The following PCDH11X variants were observed in gnomAD, a reference collection of about 807,000 sequenced individuals.
PCDH11X encodes protocadherin-11 X-linked.
A neutral mutation model predicts 53.3 loss-of-function variants in PCDH11X; 18 were observed. The observed-to-expected ratio is 0.34, with a 90% CI of 0.23 to 0.50. The LOEUF (loss-of-function observed/expected upper bound fraction) is 0.50. PCDH11X is among the 20% of genes least tolerant of loss of function. PCDH11X has a pLI of 0.98. For synonymous variants in PCDH11X, 279 were observed against 393.3 expected (o/e 0.71, Z 3.44); for missense variants, 570 against 1,032.4 (o/e 0.55, Z 6.14).
At chrX:92,279,481 A>G (rs2068197805) in intron 8 of PCDH11X, among the ~76,000 whole-genome samples, 2 of 112,166 alleles carry the variant, frequency 1.8e-5, no homozygotes, top group Middle Eastern at 9.3e-3. Flanking sequence ...CATTAAAGGA[A>G]CTGTCTCCGA....
intron 7 of PCDH11X, among the ~76,000 whole-genome samples, chrX:92,222,960 G>C (rs1438104749): frequency 8.9e-6 from 1 of 111,798 alleles, no homozygotes; most frequent in Admixed American, 9.5e-5. Flanking sequence ...CTTTCTTTCT[G>C]GTCTTGTCAC....
chrX:91,881,031 C>T (rs1939875333), intron 6 of PCDH11X, among the ~76,000 whole-genome samples: 2 of 111,227 alleles, frequency 1.8e-5, no homozygotes, highest in South Asian at 7.5e-4. Flanking sequence ...TGTAGATCAT[C>T]ATTTTTAATA....
At chrX:92,147,810 C>CCTTTCTTTCTTTCTTTCT (rs2065297477) in intron 6 of PCDH11X, among the ~76,000 whole-genome samples, 2 of 70,198 alleles carry the variant, frequency 2.8e-5, no homozygotes, top group Non-Finnish European at 5.2e-5. Context: ...TTTCTTCCTT[C>CCTTTCTTTCTTTCTTTCT]CTTTCTTTCT....
At chrX:92,605,578 A>G (rs1431616078) in intron 10 of PCDH11X, among the ~76,000 whole-genome samples, 2 of 112,119 alleles carry the variant, frequency 1.8e-5, no homozygotes, top group Non-Finnish European at 3.8e-5. Flanking sequence ...TATACAGAAA[A>G]TCTTACGAAA....
At chrX:92,164,360 A>G (rs957082530) in intron 6 of PCDH11X, among the ~76,000 whole-genome samples, 5 of 112,611 alleles carry the variant, frequency 4.4e-5, no homozygotes, top group African/African-American at 1.3e-4. Context: ...GCCACCATCT[A>G]AAAAACAATC....
At chrX:91,922,841 G>C (rs1394214671) in intron 6 of PCDH11X, among the ~76,000 whole-genome samples, 2 of 110,591 alleles carry the variant, frequency 1.8e-5, no homozygotes, top group East Asian at 5.8e-4. Context: ...TCTTTCAGAG[G>C]TTAAATCACT....
rs770127373 is a variant in PCDH11X at position 92,267,363 on chromosome X, A to G, written c.3144+4220A>G. Reference sequence around the variant, plus strand: ...CGAGGAGTATATTTCCGATTTCTCTATATCTGCCTGAGGTAAATTAAAAAG... The same window carrying G: ...CGAGGAGTATATTTCCGATTTCTCTGTATCTGCCTGAGGTAAATTAAAAAG... On this transcript the variant is annotated intron_variant, in intron 8 of 10. Transcript: ENST00000682573. Among the ~76,000 whole-genome samples, 59 of 112,357 alleles carry G rather than the reference A, an allele frequency of 5.3e-4. 1 individual carries two copies. The East Asian group carries it at 0.015, about 29-fold the overall frequency.
At position 92,484,943 on chromosome X, in the gene PCDH11X, G is replaced by T. The variant is rs763983970; in HGVS notation, c.3367+16621G>T. 2.4e-4 allele frequency among the ~76,000 whole-genome samples: 26 copies of T among 110,452 alleles called. No individual in the cohort carries two copies. In the East Asian group the frequency reaches 6.3e-3, roughly 27 times the overall value. ...GACTTTAGATGAATATTCTTAAATT[G>T]TATTAAAACTGATTTCTATCAAAGA... On this transcript the variant is annotated intron_variant, in intron 10 of 10. Transcript: ENST00000682573.
intron 6 of PCDH11X, among the ~76,000 whole-genome samples, chrX:91,911,644 C>A (rs1451580224): frequency 1.8e-5 from 2 of 110,740 alleles, no homozygotes; most frequent in Non-Finnish European, 3.8e-5. Context: ...CCTCTGGTAA[C>A]CATTCTTCTA....
intron 6 of PCDH11X, among the ~76,000 whole-genome samples, chrX:91,985,477 C>G (rs2062215148): frequency 8.9e-6 from 1 of 111,901 alleles, no homozygotes; most frequent in Admixed American, 9.4e-5. Context: ...TGCACTCCAG[C>G]CTGGGTGACA....
At chrX:91,836,155 AAATTTATGT>A (rs1937292848) in intron 5 of PCDH11X, 111 bp downstream of exon 5, 1 of 897,934 alleles carries the variant, frequency 1.1e-6, no homozygotes, top group African/African-American at 2.1e-5. Flanking sequence ...CAATTTTTCA[AAATTTATGT>A]AATTTAAAGC....
chrX:92,394,783 A>G (rs1274183726), intron 9 of PCDH11X, among the ~76,000 whole-genome samples: 1 of 111,832 alleles, frequency 8.9e-6, no homozygotes, highest in African/African-American at 3.2e-5. Context: ...TTATTTTAAA[A>G]TGATTTATAA....
intron 6 of PCDH11X, among the ~76,000 whole-genome samples, chrX:91,945,191 G>T (rs1216146966): frequency 3.9e-5 from 4 of 103,484 alleles, no homozygotes; most frequent in Non-Finnish European, 7.9e-5. Context: ...ATATTATTCG[G>T]GTATGAGATG....
At position 91,950,712 on chromosome X, in the gene PCDH11X, T is replaced by G. The variant is rs781085658; in HGVS notation, c.3033+71439T>G. Among the ~76,000 whole-genome samples, 200 of 108,935 alleles carry G rather than the reference T, an allele frequency of 1.8e-3. 1 individual carries two copies. The highest frequency in any genetic ancestry group is 6.4e-3 in the African/African-American group (189 of 29,706). The allele number at this position is 108,935 out of a possible 115,157, so 94.6% of individuals were successfully genotyped here. ...CTGTGAATTGCAAAAGCACAAAATA[T>G]TTTTAGGTAAACAGCTATAAATTAG... On this transcript the variant is annotated intron_variant, in intron 6 of 10. Transcript: ENST00000682573.
intron 6 of PCDH11X, among the ~76,000 whole-genome samples, chrX:91,917,551 T>C (rs1941606683): frequency 1.8e-5 from 1 of 56,928 alleles, no homozygotes; most frequent in African/African-American, 7.9e-5. Flanking sequence ...AAGAACTCAA[T>C]CTTTTTTACA....
chrX:92,445,184 G>C (rs1233818541), intron 9 of PCDH11X, among the ~76,000 whole-genome samples: 2 of 86,435 alleles, frequency 2.3e-5, no homozygotes, highest in Non-Finnish European at 4.5e-5. Flanking sequence ...AATCCATTTG[G>C]TCCAGGGCTT....
At chrX:91,931,835 T>C (rs1470317343) in intron 6 of PCDH11X, among the ~76,000 whole-genome samples, 2 of 111,222 alleles carry the variant, frequency 1.8e-5, no homozygotes, top group African/African-American at 6.5e-5. Flanking sequence ...TCAACTTTTA[T>C]TTTACGTTCC....
intron 6 of PCDH11X, among the ~76,000 whole-genome samples, chrX:92,020,590 A>T (rs1271680941): frequency 9.0e-6 from 1 of 111,524 alleles, no homozygotes; most frequent in East Asian, 2.8e-4. Flanking sequence ...GTCTCTGTGG[A>T]CCAGCAGACA....
At chrX:92,505,152 C>CTTTTTTTT (rs58620449) in intron 10 of PCDH11X, among the ~76,000 whole-genome samples, 61 of 64,226 alleles carry the variant, frequency 9.5e-4, no homozygotes, top group African/African-American at 2.1e-3. Flanking sequence ...TTTCTTTTTT[C>CTTTTTTTT]TTTTTTTTTT....
Sources: gnomAD v4.1 joint callset for allele counts (sites outside exome capture counted in the v4.1 genomes callset) on GRCh38, gnomAD v4.1.1 for gene constraint, MANE v1.5 for transcripts, NCBI Gene and HGNC (gene_info 2026-07-23, HGNC 2026-07-21) for gene names.